The following KIRREL2 variants were observed in gnomAD, a reference collection of about 807,000 sequenced individuals.
KIRREL2 encodes the protein kin of IRRE-like protein 2.
In KIRREL2, 56 loss-of-function variants were observed where a neutral mutation model predicts 73.4. The observed-to-expected ratio is 0.76, with a 90% CI of 0.62 to 0.95. The LOEUF (loss-of-function observed/expected upper bound fraction) is 0.95, where lower values mean the gene tolerates loss of function less well. Ranked by LOEUF, KIRREL2 falls within the 40% of genes least tolerant of loss-of-function variation. The pLI, the probability that KIRREL2 is intolerant of heterozygous loss-of-function variation, is 0.00. For synonymous variants in KIRREL2, 407 were observed against 404.0 expected (o/e 1.01, Z -0.09); for missense variants, 896 against 935.0 (o/e 0.96, Z 0.54).
intron 14 of KIRREL2, 114 bp downstream of exon 14, chr19:35,864,827 C>CA: frequency 1.2e-6 from 1 of 809,486 alleles, no homozygotes; most frequent in Non-Finnish European, 2.0e-6. Context: ...CTGTTGTCCT[C>CA]AGAGTTGGGA....
chr19:35,859,425 A>C (rs777781886), intron 4 of KIRREL2, 56 bp from the exon 5 acceptor site: 1 of 1,533,396 alleles, frequency 6.5e-7, no homozygotes, highest in Non-Finnish European at 8.9e-7. Flanking sequence ...GGAAAGCCAA[A>C]AGATTGGACA....
chr19:35,864,176 T>TTTG (rs113984862), intron 13 of KIRREL2, among the ~76,000 whole-genome samples: 7,697 of 148,618 alleles, frequency 0.052, 419 homozygotes, highest in African/African-American at 0.14. Context: ...ACAGCCCGTT[T>TTTG]TTGTTGTTGT....
rs1238291783 is a variant in KIRREL2, at chr19:35,866,760, A to G, written c.*268A>G. On this transcript the variant is annotated 3_prime_UTR_variant, in exon 15 of 15. Coordinates refer to ENST00000360202, the MANE Select transcript of KIRREL2 (RefSeq NM_199180.4). ...GATGGCAGGTAGGCCCTTTGAGGAG[A>G]GATGGGGACAGGGCAGTGGGTGTTG... 5.2e-6 allele frequency: 3 copies of G among 573,034 alleles called. No individual in the cohort carries two copies. The highest frequency in any genetic ancestry group is 3.4e-5 in the Admixed American group (1 of 29,550). 35.5% of individuals were successfully genotyped at this position (573,034 alleles called of 1,614,324 possible). A position where few individuals can be genotyped will look rare whatever the true frequency, so the allele number is the denominator to read the frequency against.
Position 35,864,719 on chromosome 19 carries a change from T to C in KIRREL2, c.1791+6T>C, listed in dbSNP as rs1973890767. The C allele has an allele frequency of 6.2e-7, 1 of 1,607,558 alleles. No individual in the cohort carries two copies. Among genetic ancestry groups the C allele is most frequent in the South Asian group, 1.1e-5 (1 of 90,932 alleles). The stretch of plus-strand genomic sequence containing the variant: ...AAGGGACTCTGGAGACCAAGGTGAG[T>C]GTTGAGAGGGGTGGGGCTCCCTTCA... On this transcript the variant is annotated splice_donor_region_variant and intron_variant, in intron 14 of 14. Coordinates refer to ENST00000360202, the MANE Select transcript of KIRREL2 (RefSeq NM_199180.4).
upstream of KIRREL2, among the ~76,000 whole-genome samples, chr19:35,854,957 A>G (rs1413495129): frequency 6.6e-6 from 1 of 151,962 alleles, no homozygotes; most frequent in Non-Finnish European, 1.5e-5. Flanking sequence ...GTGCACATAC[A>G]CTTGCCTGGG....
At position 35,861,010 on chromosome 19, in the gene KIRREL2, A is replaced by AC. The variant is rs1370730006; in HGVS notation, c.1032dup (p.Trp345LeufsTer34). ...GCGCGGGAACCCGCTTCCACGGGTA[A>AC]CCTGGACCCGCCGCGGTGGCGCGCA... On this transcript the variant is annotated frameshift_variant, in exon 8 of 15. Coordinates refer to ENST00000360202, the MANE Select transcript of KIRREL2 (RefSeq NM_199180.4). LOFTEE classifies it high-confidence loss of function. 1 of 1,611,336 alleles carries AC rather than the reference A, an allele frequency of 6.2e-7. No homozygotes were observed. Among genetic ancestry groups the AC allele is most frequent in the South Asian group, 1.1e-5 (1 of 90,954 alleles).
chr19:35,861,405 G>A, intron 9 of KIRREL2, 136 bp from the exon 10 acceptor site: 1 of 1,460,438 alleles, frequency 6.8e-7, no homozygotes, highest in East Asian at 2.3e-5. Flanking sequence ...GAGGCTTTTA[G>A]GAGAATCGGA....
intron 2 of KIRREL2, 102 bp downstream of exon 2, chr19:35,857,596 A>G: frequency 8.1e-7 from 1 of 1,236,050 alleles, no homozygotes; most frequent in Non-Finnish European, 1.1e-6. Context: ...AGTTTGGGAA[A>G]TTGATGGGCT....
Position 35,861,840 on chromosome 19 carries a change from G to A in KIRREL2, c.1326G>A (p.Gly442=). 6.3e-7 allele frequency: 1 copy of A among 1,587,480 alleles called. No homozygotes were observed. Among genetic ancestry groups the A allele is most frequent in the East Asian group, 2.3e-5 (1 of 43,804 alleles). ...GGGATGAGGGCTTCCTGGAGGCGGG[G>A]TCGCAGGGCCGGTTCCTGGTGGAGA... is the stretch of plus-strand genomic sequence containing the variant. ...WSWDEGFLEA[G]SQGRFLVETF... Residue 442 remains glycine (G), a synonymous_variant, in exon 11 of 15, where the codon GGG becomes GGA. Coordinates refer to ENST00000360202, the MANE Select transcript of KIRREL2 (RefSeq NM_199180.4).
rs1316720702 is a variant in KIRREL2 at position 35,857,386 on chromosome 19, G to A, written c.103G>A (p.Val35Met). The A allele has an allele frequency of 3.7e-6, 6 of 1,613,028 alleles. No homozygotes were observed. The highest frequency in any genetic ancestry group is 5.1e-6 in the Non-Finnish European group (6 of 1,180,036). The change falls in exon 2 of 15, where the codon GTG becomes ATG. Residue 35 changes from valine to methionine, a missense_variant. By Grantham distance (21) the Val-to-Met change is conservative. Coordinates refer to ENST00000360202, the MANE Select transcript of KIRREL2 (RefSeq NM_199180.4). Reference protein sequence around the residue: ...HFLQQPEDLVVLLGEEARLPC... With the variant: ...HFLQQPEDLVMLLGEEARLPC... ...CCTGCAACAGCCAGAGGACCTGGTG[G>A]TGCTGCTGGGGGAGGAAGCCCGGCT...
chr19:35,851,715 C>T, upstream of KIRREL2: 1 of 1,580,616 alleles, frequency 6.3e-7, no homozygotes, highest in Non-Finnish European at 8.6e-7. Flanking sequence ...GAGGGTTTGT[C>T]TAGGGAAGGT....
upstream of KIRREL2, chr19:35,851,797 A>C: frequency 6.4e-7 from 1 of 1,553,372 alleles, no homozygotes; most frequent in Non-Finnish European, 8.7e-7. Flanking sequence ...CAGCAGCCCC[A>C]GGAGCAGGAG....
rs1306218458 is a variant in KIRREL2 at position 35,858,962 on chromosome 19, G to A, written c.522+98G>A. ...TCCAGAAGAGAAGAAGACATGGGAG[G>A]GCAGAGGTTCATGGGTTTGGACTCT... On this transcript the variant is annotated intron_variant, in intron 4 of 14. Coordinates refer to ENST00000360202, the MANE Select transcript of KIRREL2 (RefSeq NM_199180.4). 3.0e-6 allele frequency: 4 copies of A among 1,344,086 alleles called. No individual in the cohort carries two copies. The African/African-American group carries it at 4.4e-5, about 15-fold the overall frequency. 83.3% of individuals were successfully genotyped at this position (1,344,086 alleles called of 1,614,324 possible).
At chr19:35,863,914 C>T (rs1364916868) in intron 13 of KIRREL2, among the ~76,000 whole-genome samples, 2 of 152,090 alleles carry the variant, frequency 1.3e-5, no homozygotes, top group Non-Finnish European at 2.9e-5. Flanking sequence ...GCTGGGACTA[C>T]AGGCACCCGC....
chr19:35,852,503 T>A (rs1423380467), upstream of KIRREL2, among the ~76,000 whole-genome samples: 1 of 152,108 alleles, frequency 6.6e-6, no homozygotes, highest in African/African-American at 2.4e-5. Context: ...GAGCTCATTC[T>A]CACAGTGCAA....
In KIRREL2 at chr19:35,866,798, C is replaced by T. The variant is rs867799100; in HGVS notation, c.*306C>T. 87 of 498,692 alleles carry T rather than the reference C, an allele frequency of 1.7e-4. No individual in the cohort carries two copies. The Middle Eastern group carries it at 5.0e-3, about 28-fold the overall frequency. The allele number at this position is 498,692 out of a possible 1,614,324, so 30.9% of individuals were successfully genotyped here. ...GCAGTGGGTGTTGGGAGTTTGGGGC[C>T]GGGATGGAAGTTGTTTCTAGCCACT... On this transcript the variant is annotated 3_prime_UTR_variant, in exon 15 of 15. Coordinates refer to ENST00000360202, the MANE Select transcript of KIRREL2 (RefSeq NM_199180.4).
At chr19:35,854,208 T>C (rs1272452398), upstream of KIRREL2, among the ~76,000 whole-genome samples, 2 of 152,128 alleles carry the variant, frequency 1.3e-5, no homozygotes, top group African/African-American at 4.8e-5. Flanking sequence ...CCCAGGCTTG[T>C]CTGGAACTCC....
rs141570015 is a variant in KIRREL2, at chr19:35,864,681, G to C, written c.1759G>C (p.Val587Leu). Residue 587 changes from valine to leucine, a missense_variant, in exon 14 of 15, where the codon GTT becomes CTT. Coordinates refer to ENST00000360202, the MANE Select transcript of KIRREL2 (RefSeq NM_199180.4). ...TGTGCACACTGACCACAGTGATCTG[G>C]TTCTGGAGGAGGAAGGGACTCTGGA... ...PIVHTDHSDL[V>L]LEEEGTLETK... 1.9e-6 allele frequency: 3 copies of C among 1,613,200 alleles called. No homozygotes were observed. In the African/African-American group the frequency reaches 4.0e-5, roughly 22 times the overall value.
At chr19:35,864,260 G>C (rs539225393) in intron 13 of KIRREL2, among the ~76,000 whole-genome samples, 1 of 152,082 alleles carries the variant, frequency 6.6e-6, no homozygotes, top group South Asian at 2.1e-4. Flanking sequence ...GTGCAATCCA[G>C]ACTCACTGCA....
Sources: allele counts gnomAD v4.1 joint callset (sites outside exome capture counted in the v4.1 genomes callset), GRCh38; gene constraint gnomAD v4.1.1; transcripts MANE v1.5; gene names NCBI Gene and HGNC (gene_info 2026-07-23, HGNC 2026-07-21).